Variants in AFG1L observed in about 807,000 individuals in gnomAD.
The protein encoded by AFG1L is AFG1 like ATPase, also known as AFG1-like ATPase.
In AFG1L, 53 loss-of-function variants were observed where a neutral mutation model predicts 62.2. That is an observed-to-expected ratio of 0.85 (90% CI 0.68 to 1.07). AFG1L has a LOEUF of 1.07. Among genes scored for constraint, AFG1L ranks in the 50% least tolerant of loss-of-function variants. AFG1L has a pLI of 0.00. For synonymous variants in AFG1L, 228 were observed against 210.3 expected (o/e 1.08, Z -0.73); for missense variants, 555 against 590.5 (o/e 0.94, Z 0.62).
Position 108,485,326 on chromosome 6 carries a change from G to T in AFG1L, c.1062+8034G>T, listed in dbSNP as rs759314496. On this transcript the variant is annotated intron_variant, in intron 10 of 12. Coordinates refer to ENST00000368977, the MANE Select transcript of AFG1L (RefSeq NM_145315.5). Reference sequence around the variant, plus strand: ...TTTATGTCATGTTGTTAGCTGAAATGGTTCAAAAATATTGTCTCTCCTGTA... The same window carrying T: ...TTTATGTCATGTTGTTAGCTGAAATTGTTCAAAAATATTGTCTCTCCTGTA... Among the ~76,000 whole-genome samples the T allele has an allele frequency of 1.6e-3, 241 of 152,108 alleles. 7 individuals are homozygous for T. Among genetic ancestry groups the T allele is most frequent in the Middle Eastern group, 3.4e-3 (1 of 294 alleles).
In AFG1L at chr6:108,295,055, T is replaced by C. The variant is rs1222308139; in HGVS notation, c.-25T>C. On this transcript the variant is annotated 5_prime_UTR_variant, in exon 1 of 13. Transcript: ENST00000368977. ...TCTGGGTTCCAATAAAGTTTTCCTCTTCCTCTCCTCGTACGGAGTTCAAGA... is the reference window on the plus strand; with the variant it reads ...TCTGGGTTCCAATAAAGTTTTCCTCCTCCTCTCCTCGTACGGAGTTCAAGA... The C allele has an allele frequency of 2.5e-6, 4 of 1,608,712 alleles. No homozygotes were observed. Among genetic ancestry groups the C allele is most frequent in the Non-Finnish European group, 3.4e-6 (4 of 1,179,920 alleles).
At chr6:108,511,287 C>T (rs557321821) in intron 11 of AFG1L, among the ~76,000 whole-genome samples, 1 of 152,092 alleles carries the variant, frequency 6.6e-6, no homozygotes, top group African/African-American at 2.4e-5. Context: ...GACCCAGAAA[C>T]CCCAGTAGCT....
At chr6:108,407,518 A>T (rs1455619528) in intron 7 of AFG1L, among the ~76,000 whole-genome samples, 2 of 152,102 alleles carry the variant, frequency 1.3e-5, no homozygotes, top group Admixed American at 1.3e-4. Flanking sequence ...ATCTTTACAA[A>T]AAAGAATTTT....
intron 2 of AFG1L, among the ~76,000 whole-genome samples, chr6:108,336,753 A>T (rs575958263): frequency 6.6e-6 from 1 of 152,238 alleles, no homozygotes; most frequent in Non-Finnish European, 1.5e-5. Context: ...AAAAATTTCA[A>T]TGATATACTT....
intron 7 of AFG1L, among the ~76,000 whole-genome samples, chr6:108,440,812 C>A (rs542283074): frequency 5.1e-5 from 6 of 118,364 alleles, no homozygotes; most frequent in Non-Finnish European, 1.1e-4. Flanking sequence ...CAGAGTGAGA[C>A]TCCATCTCAA....
intron 7 of AFG1L, among the ~76,000 whole-genome samples, chr6:108,437,333 A>T (rs990476401): frequency 1.3e-5 from 2 of 152,206 alleles, no homozygotes; most frequent in African/African-American, 2.4e-5. Flanking sequence ...TGTGGAAGAG[A>T]GTAATTGTCC....
At chr6:108,378,334 T>G (rs1392359895) in intron 6 of AFG1L, among the ~76,000 whole-genome samples, 4 of 152,110 alleles carry the variant, frequency 2.6e-5, no homozygotes, top group Admixed American at 6.6e-5. Flanking sequence ...TTGTTTGTTT[T>G]TTTGATACAG....
rs1307913154 is a variant in AFG1L, at chr6:108,295,063, C to T, written c.-17C>T. The T allele has an allele frequency of 1.2e-6, 2 of 1,609,850 alleles. No homozygotes were observed. The highest frequency in any genetic ancestry group is 1.1e-5 in the South Asian group (1 of 91,084). On this transcript the variant is annotated 5_prime_UTR_variant, in exon 1 of 13. Transcript: ENST00000368977. The stretch of plus-strand genomic sequence containing the variant: ...CCAATAAAGTTTTCCTCTTCCTCTC[C>T]TCGTACGGAGTTCAAGATGGCGGCC...
chr6:108,490,383 AC>A (rs1476083284), intron 10 of AFG1L, among the ~76,000 whole-genome samples: 4 of 152,192 alleles, frequency 2.6e-5, no homozygotes, highest in Non-Finnish European at 4.4e-5. Flanking sequence ...AAACAAAAAA[AC>A]AGAAGTAATT....
chr6:108,432,750 A>C (rs1771131431), intron 7 of AFG1L, among the ~76,000 whole-genome samples: 1 of 152,172 alleles, frequency 6.6e-6, no homozygotes, highest in South Asian at 2.1e-4. Flanking sequence ...GGGATTACCT[A>C]AGGAGCTTAA....
intron 3 of AFG1L, among the ~76,000 whole-genome samples, chr6:108,351,509 C>T: frequency 6.6e-6 from 1 of 152,110 alleles, no homozygotes; most frequent in East Asian, 1.9e-4. Flanking sequence ...ATTAGGTCAT[C>T]TGCCAATAAA....
At chr6:108,439,993 C>T (rs967855566) in intron 7 of AFG1L, among the ~76,000 whole-genome samples, 2 of 151,972 alleles carry the variant, frequency 1.3e-5, no homozygotes, top group Non-Finnish European at 2.9e-5. Context: ...AAAAATTAAG[C>T]ATAGAACTAT....
intron 10 of AFG1L, among the ~76,000 whole-genome samples, chr6:108,488,905 A>G (rs1773672066): frequency 6.6e-6 from 1 of 152,112 alleles, no homozygotes; most frequent in Non-Finnish European, 1.5e-5. Flanking sequence ...ATATTCAGAG[A>G]ACTACAGACT....
intron 6 of AFG1L, among the ~76,000 whole-genome samples, chr6:108,393,377 A>G (rs1241425278): frequency 6.6e-6 from 1 of 152,162 alleles, no homozygotes; most frequent in African/African-American, 2.4e-5. Flanking sequence ...CTTGTGTTCT[A>G]TAAAAACCTA....
intron 7 of AFG1L, among the ~76,000 whole-genome samples, chr6:108,439,557 G>T (rs1771452552): frequency 6.6e-6 from 1 of 152,072 alleles, no homozygotes; most frequent in Admixed American, 6.6e-5. Context: ...CCAGAAACAG[G>T]CAAAATTCTA....
At chr6:108,343,719 CA>C (rs1327945865) in intron 2 of AFG1L, among the ~76,000 whole-genome samples, 2 of 151,948 alleles carry the variant, frequency 1.3e-5, no homozygotes, top group Non-Finnish European at 2.9e-5. Flanking sequence ...ATATAAGAAA[CA>C]AAAAAACAAG....
chr6:108,306,732 A>G (rs905858457), intron 1 of AFG1L, among the ~76,000 whole-genome samples: 3 of 152,170 alleles, frequency 2.0e-5, no homozygotes, highest in African/African-American at 7.2e-5. Context: ...CTCACAACAT[A>G]GTTTCTAGAT....
chr6:108,380,140 G>T (rs557355118), intron 6 of AFG1L, among the ~76,000 whole-genome samples: 20 of 151,990 alleles, frequency 1.3e-4, no homozygotes, highest in Non-Finnish European at 2.4e-4. Flanking sequence ...AACAGAGAGG[G>T]TCCCCCTGCA....
At chr6:108,500,167 C>CGTGCGTGT (rs1188561728) in intron 10 of AFG1L, among the ~76,000 whole-genome samples, 20 of 73,100 alleles carry the variant, frequency 2.7e-4, no homozygotes, top group African/African-American at 1.3e-3. Flanking sequence ...TTCCATGGTG[C>CGTGCGTGT]GTGCGTGTGT....
Sources: gnomAD v4.1 joint callset for allele counts (sites outside exome capture counted in the v4.1 genomes callset) on GRCh38, gnomAD v4.1.1 for gene constraint, MANE v1.5 for transcripts, NCBI Gene and HGNC (gene_info 2026-07-23, HGNC 2026-07-21) for gene names.